Variants in TANC2 observed in about 807,000 individuals in gnomAD.
TANC2 encodes the protein tetratricopeptide repeat, ankyrin repeat and coiled-coil containing 2.
A neutral mutation model predicts 210.5 loss-of-function variants in TANC2; 26 were observed. The ratio of observed to expected loss-of-function variants is 0.12; its 90% CI spans 0.09 to 0.17. The LOEUF is 0.17. Ranked by LOEUF, TANC2 falls within the 10% of genes least tolerant of loss-of-function variation. The pLI is 1.00. For missense variants in TANC2, 2,129 were observed against 2,608.9 expected, an observed-to-expected ratio of 0.82 and a Z score of 4.01; for synonymous variants, 931 against 967.1, an observed-to-expected ratio of 0.96 and a Z score of 0.69.
rs1339780964 is a variant in TANC2 at position 62,966,811 on chromosome 17, A to C, written c.-24+62A>C. ...TTCAGTGACAGGGTCGTTCGCCTCC[A>C]CAGCCTCGGCTCCGGGGAGAGGGGC... On this transcript the variant is annotated intron_variant, in intron 1 of 27. Coordinates refer to ENST00000689528, the Ensembl canonical transcript of TANC2. The surrounding 1 kb of genome is among the most constrained non-coding windows in gnomAD (Gnocchi z 5.1). 1 of 152,006 alleles carries C rather than the reference A, an allele frequency of 6.6e-6. No individual in the cohort carries two copies. Among genetic ancestry groups the C allele is most frequent in the Non-Finnish European group, 1.5e-5 (1 of 68,040 alleles). The allele number at this position is 152,006 out of a possible 1,614,324, so 9.4% of individuals were successfully genotyped here.
chr17:63,423,967 A>G (rs1048836459), exon 28 of TANC2: 2 of 152,268 alleles, frequency 1.3e-5, no homozygotes, highest in African/African-American at 2.4e-5. Context: ...TCTAGCGGCA[A>G]CCTCTAGCCA....
At chr17:63,290,728 A>C (rs561569669) in intron 9 of TANC2, among the ~76,000 whole-genome samples, 1 of 152,240 alleles carries the variant, frequency 6.6e-6, no homozygotes, top group South Asian at 2.1e-4. Flanking sequence ...CGCTTACTCC[A>C]TCTTGGCCAG....
chr17:63,188,793 A>G (rs1405247747), intron 5 of TANC2, among the ~76,000 whole-genome samples: 2 of 152,124 alleles, frequency 1.3e-5, no homozygotes, highest in East Asian at 3.9e-4. Context: ...TGTAATTCAC[A>G]TACCAAAAAA....
chr17:63,247,206 T>C (rs551148231), intron 8 of TANC2, among the ~76,000 whole-genome samples: 161 of 152,262 alleles, frequency 1.1e-3, no homozygotes, highest in African/African-American at 3.7e-3. Flanking sequence ...TGCAAATACT[T>C]CAGTCTGTTG....
intron 14 of TANC2, among the ~76,000 whole-genome samples, chr17:63,356,189 A>T (rs2046778624): frequency 6.6e-6 from 1 of 152,102 alleles, no homozygotes; most frequent in African/African-American, 2.4e-5. Context: ...ACCAGACTAG[A>T]TATGAAACTG....
intron 7 of TANC2, among the ~76,000 whole-genome samples, chr17:63,214,209 T>C (rs769154695): frequency 2.6e-5 from 4 of 152,104 alleles, no homozygotes; most frequent in Non-Finnish European, 5.9e-5. Context: ...TCAGTGACAA[T>C]AGAGAAGTCC....
intron 4 of TANC2, among the ~76,000 whole-genome samples, chr17:63,137,549 T>C (rs998305896): frequency 2.2e-4 from 33 of 152,228 alleles, no homozygotes; most frequent in African/African-American, 8.0e-4. Flanking sequence ...AGATAGTTTA[T>C]ATAATCTGTT....
At chr17:63,249,544 CA>C (rs2146142058) in intron 8 of TANC2, among the ~76,000 whole-genome samples, 1 of 152,290 alleles carries the variant, frequency 6.6e-6, no homozygotes, top group South Asian at 2.1e-4. Context: ...AGGAAACATA[CA>C]AACAACAGAA....
intron 7 of TANC2, among the ~76,000 whole-genome samples, chr17:63,215,812 TG>T (rs772156005): frequency 6.6e-6 from 1 of 151,950 alleles, no homozygotes; most frequent in Non-Finnish European, 1.5e-5. Context: ...TTCAGTGGTG[TG>T]GTATCAGCTC....
intron 7 of TANC2, among the ~76,000 whole-genome samples, chr17:63,206,953 T>C (rs1598607044): frequency 6.6e-6 from 1 of 152,108 alleles, no homozygotes; most frequent in East Asian, 1.9e-4. Flanking sequence ...ACAATAAGAA[T>C]ATAGCAAATA....
intron 5 of TANC2, among the ~76,000 whole-genome samples, chr17:63,171,776 T>A (rs9897384): frequency 0.2 from 30,298 of 152,216 alleles, 6,386 homozygotes; most frequent in African/African-American, 0.54. Context: ...TATATCTACA[T>A]ATTAAAGACT....
chr17:63,099,595 T>C (rs566571520), intron 4 of TANC2, among the ~76,000 whole-genome samples: 2 of 152,224 alleles, frequency 1.3e-5, no homozygotes, highest in African/African-American at 4.8e-5. Context: ...GTTGTGAACA[T>C]ATTTTTCTAG....
intron 8 of TANC2, among the ~76,000 whole-genome samples, chr17:63,246,009 C>CA (rs35616542): frequency 0.018 from 2,440 of 137,204 alleles, 30 homozygotes; most frequent in Admixed American, 0.027. Context: ...GACGCTGTCT[C>CA]AAAAAAAAAA....
chr17:63,043,868 T>G (rs1005557916), intron 2 of TANC2, among the ~76,000 whole-genome samples: 21 of 152,106 alleles, frequency 1.4e-4, no homozygotes, highest in African/African-American at 5.1e-4. Flanking sequence ...CAGGAAGCAG[T>G]TGGAAAAATA....
intron 9 of TANC2, among the ~76,000 whole-genome samples, chr17:63,278,375 G>C (rs573311953): frequency 1.3e-5 from 2 of 152,102 alleles, no homozygotes; most frequent in African/African-American, 4.8e-5. Context: ...ATGAAAAAAT[G>C]CTCAATATCA....
chr17:63,320,591 A>G (rs2045465436), intron 11 of TANC2: 1 of 152,208 alleles, frequency 6.6e-6, no homozygotes, highest in Non-Finnish European at 1.5e-5. Context: ...GACACAGTAT[A>G]TCATTCTAGG....
At chr17:63,241,477 A>G (rs1370761245) in intron 8 of TANC2, among the ~76,000 whole-genome samples, 2 of 152,136 alleles carry the variant, frequency 1.3e-5, no homozygotes. Context: ...AGTTTGGCAC[A>G]CTCTATTTTT....
intron 2 of TANC2, among the ~76,000 whole-genome samples, chr17:63,012,847 T>G (rs1003381974): frequency 6.6e-6 from 1 of 151,906 alleles, no homozygotes; most frequent in Non-Finnish European, 1.5e-5. Context: ...AGAGATGAGA[T>G]CTCGTTATGT....
chr17:63,126,378 C>G (rs950408256), intron 4 of TANC2, among the ~76,000 whole-genome samples: 2 of 152,154 alleles, frequency 1.3e-5, no homozygotes, highest in Non-Finnish European at 2.9e-5. Flanking sequence ...AGCCTTTACT[C>G]ACTAAGGTTT....
Sources: allele counts gnomAD v4.1 joint callset (sites outside exome capture counted in the v4.1 genomes callset), GRCh38; gene constraint gnomAD v4.1.1; non-coding constraint Gnocchi (gnomAD v3.1); transcripts MANE v1.5; gene names NCBI Gene and HGNC (gene_info 2026-07-23, HGNC 2026-07-21).